Variants in HOOK3 observed in about 807,000 individuals in gnomAD.
HOOK3 encodes the protein hook microtubule tethering protein 3, also known as protein Hook homolog 3.
A neutral mutation model predicts 116.3 loss-of-function variants in HOOK3; 24 were observed. The observed-to-expected ratio is 0.21, with a 90% CI of 0.15 to 0.29. The LOEUF (loss-of-function observed/expected upper bound fraction) is 0.29. Ranked by LOEUF, HOOK3 falls within the 10% of genes least tolerant of loss-of-function variation. HOOK3 has a pLI of 1.00. For missense variants in HOOK3, 632 were observed against 830.2 expected, an observed-to-expected ratio of 0.76 and a Z score of 2.93; for synonymous variants, 275 against 283.0, an observed-to-expected ratio of 0.97 and a Z score of 0.28.
intron 8 of HOOK3, among the ~76,000 whole-genome samples, 172 bp from the exon 9 acceptor site, chr8:42,964,139 G>A (rs112346481): frequency 2.0e-4 from 31 of 152,242 alleles, no homozygotes; most frequent in African/African-American, 5.3e-4. Context: ...CCCAGGAGGC[G>A]GAGCTTTCAG....
intron 14 of HOOK3, among the ~76,000 whole-genome samples, chr8:42,984,770 A>G (rs181006061): frequency 1.3e-3 from 200 of 152,118 alleles, no homozygotes; most frequent in African/African-American, 4.7e-3. Context: ...TGGGTGTGCT[A>G]GCACACGCCT....
intron 4 of HOOK3, among the ~76,000 whole-genome samples, chr8:42,935,086 A>G (rs1178889988): frequency 6.6e-6 from 1 of 152,292 alleles, no homozygotes; most frequent in South Asian, 2.1e-4. Flanking sequence ...TCGCCATTCT[A>G]ACTGGTGTGA....
chr8:42,996,597 C>T (rs1480136549), intron 15 of HOOK3, among the ~76,000 whole-genome samples: 1 of 152,010 alleles, frequency 6.6e-6, no homozygotes, highest in Non-Finnish European at 1.5e-5. Context: ...CCTCTCATAA[C>T]ATACTCATCA....
chr8:42,945,346 G>T lies in HOOK3; in HGVS notation c.400+1901G>T, dbSNP rs181261999. 4.2e-3 allele frequency among the ~76,000 whole-genome samples: 636 copies of T among 152,040 alleles called. 4 individuals carry two copies. The highest frequency in any genetic ancestry group is 6.9e-3 in the Non-Finnish European group (470 of 67,972). Reference sequence around the variant, plus strand: ...TTTTTTCGAGATGGAGTCTTGCTCTGTTGCCCAGGCTGGAGTGCAGTGGCA... The same window carrying T: ...TTTTTTCGAGATGGAGTCTTGCTCTTTTGCCCAGGCTGGAGTGCAGTGGCA... On this transcript the variant is annotated intron_variant, in intron 5 of 21. Transcript: ENST00000307602.
rs1810003956 is a variant in HOOK3 at position 43,030,175 on chromosome 8, G to A, written c.*11677G>A. On this transcript the variant is annotated 3_prime_UTR_variant, in exon 22 of 22. Transcript: ENST00000307602. ...ATTTACTATGTGTTGAGATTGGTGGGTTTTCTGGCTGTTTTTCTGAGGTGA... is the reference window on the plus strand; with the variant it reads ...ATTTACTATGTGTTGAGATTGGTGGATTTTCTGGCTGTTTTTCTGAGGTGA... 9.9e-6 allele frequency: 2 copies of A among 202,084 alleles called. No homozygotes were observed. The highest frequency in any genetic ancestry group is 3.8e-4 in the South Asian group (2 of 5,214). The allele number at this position is 202,084 out of a possible 1,614,324, so 12.5% of individuals were successfully genotyped here. A position where few individuals can be genotyped will look rare whatever the true frequency, so the allele number is the denominator to read the frequency against.
At chr8:42,948,385 A>T (rs906144790) in intron 5 of HOOK3, among the ~76,000 whole-genome samples, 1 of 152,174 alleles carries the variant, frequency 6.6e-6, no homozygotes, top group South Asian at 2.1e-4. Context: ...AGATTCATAA[A>T]TTTTTTTATT....
chr8:42,967,984 G>T, intron 10 of HOOK3, 29 bp from the exon 11 acceptor site: 1 of 1,309,096 alleles, frequency 7.6e-7, no homozygotes, highest in Non-Finnish European at 1.1e-6. Context: ...ATGTGTTTCT[G>T]ATTTTTTTAA....
chr8:42,925,579 A>G lies in HOOK3; in HGVS notation c.166A>G (p.Asn56Asp). 1 of 1,605,402 alleles carries G rather than the reference A, an allele frequency of 6.2e-7. No individual in the cohort carries two copies. Among genetic ancestry groups the G allele is most frequent in the Non-Finnish European group, 8.5e-7 (1 of 1,175,242 alleles). ...QKIDPAYFDE[N>D]WLNRIKTEVG... ...CAGAGATCCTGCATATTTTGATGAAAATTGGCTAAACAGAATCAAAACTGA... is the reference window on the plus strand; with the variant it reads ...CAGAGATCCTGCATATTTTGATGAAGATTGGCTAAACAGAATCAAAACTGA... Residue 56 changes from asparagine (N) to aspartate (D), a missense_variant, in exon 3 of 22, where the codon AAT (asparagine) becomes GAT (aspartate). Around this residue, in one of 3 missense-constraint regions of HOOK3, gnomAD observed 141 missense variants for 150.8 expected, o/e 0.93. Transcript: ENST00000307602.
intron 4 of HOOK3, among the ~76,000 whole-genome samples, chr8:42,941,049 T>A (rs1808106723): frequency 6.6e-6 from 1 of 151,956 alleles, no homozygotes; most frequent in Non-Finnish European, 1.5e-5. Flanking sequence ...CAGGTTCAAG[T>A]AATTCTCCTC....
chr8:42,922,752 T>G (rs1807680908), intron 2 of HOOK3, among the ~76,000 whole-genome samples: 1 of 151,562 alleles, frequency 6.6e-6, no homozygotes, highest in African/African-American at 2.4e-5. Flanking sequence ...ATACAAAAAT[T>G]AGCTGGGCAT....
intron 2 of HOOK3, among the ~76,000 whole-genome samples, chr8:42,912,414 T>A (rs569276159): frequency 6.6e-6 from 1 of 152,184 alleles, no homozygotes; most frequent in Non-Finnish European, 1.5e-5. Context: ...TTTTAAAAAT[T>A]GATAGACTTT....
rs1276146012 is a variant in HOOK3 at position 43,019,094 on chromosome 8, T to G, written c.*596T>G. 4.8e-6 allele frequency: 1 copy of G among 207,664 alleles called. No individual in the cohort carries two copies. Among genetic ancestry groups the G allele is most frequent in the Non-Finnish European group, 9.8e-6 (1 of 101,774 alleles). The allele number at this position is 207,664 out of a possible 1,614,324, so 12.9% of individuals were successfully genotyped here. On this transcript the variant is annotated 3_prime_UTR_variant, in exon 22 of 22. Coordinates refer to ENST00000307602, the MANE Select transcript of HOOK3 (RefSeq NM_032410.4). The stretch of plus-strand genomic sequence containing the variant: ...GAATTATTTGAGGAAAAAATGAGTT[T>G]TCACATTGTTTTATAGGAAATTAAA...
chr8:43,001,478 T>TAGTGGTCTTATAGAGAATGTCTTTATTG (rs1809379897), intron 16 of HOOK3, among the ~76,000 whole-genome samples: 1 of 152,136 alleles, frequency 6.6e-6, no homozygotes, highest in Non-Finnish European at 1.5e-5. Flanking sequence ...TTATGAAATT[T>TAGTGGTCTTATAGAGAATGTCTTTATTG]AGTGGTCTTA....
rs1809947901 is a variant in HOOK3, at chr8:43,027,195, A to C, written c.*8697A>C. 1 of 236,674 alleles carries C rather than the reference A, an allele frequency of 4.2e-6. No individual in the cohort carries two copies. The highest frequency in any genetic ancestry group is 2.3e-5 in the African/African-American group (1 of 43,354). The allele number at this position is 236,674 out of a possible 1,614,324, so 14.7% of individuals were successfully genotyped here. A position where few individuals can be genotyped will look rare whatever the true frequency, so the allele number is the denominator to read the frequency against. On this transcript the variant is annotated 3_prime_UTR_variant, in exon 22 of 22. Coordinates refer to ENST00000307602, the MANE Select transcript of HOOK3 (RefSeq NM_032410.4). Reference sequence around the variant, plus strand: ...TAGGCGTGAGCCACCATGCCCAGTGAACTTGGCCATTTTCTTACATTCATA... The same window carrying C: ...TAGGCGTGAGCCACCATGCCCAGTGCACTTGGCCATTTTCTTACATTCATA...
intron 2 of HOOK3, among the ~76,000 whole-genome samples, chr8:42,923,572 A>G (rs1807705055): frequency 1.3e-5 from 2 of 152,360 alleles, no homozygotes; most frequent in South Asian, 4.1e-4. Flanking sequence ...AAAAGACCAC[A>G]TAGTATATGA....
Position 43,022,440 on chromosome 8 carries a change from A to G in HOOK3, c.*3942A>G, listed in dbSNP as rs540365977. On this transcript the variant is annotated 3_prime_UTR_variant, in exon 22 of 22. Transcript: ENST00000307602. ...GGGTTGCTGTGTTGGGTTGGAGCAC[A>G]CTGTCACCACAGTGTCTGAAGTCTT... 1.3e-4 allele frequency: 26 copies of G among 201,418 alleles called. No homozygotes were observed. In the South Asian group the frequency reaches 5.0e-3, roughly 38 times the overall value. 12.5% of individuals were successfully genotyped at this position (201,418 alleles called of 1,614,324 possible). A position where few individuals can be genotyped will look rare whatever the true frequency, so the allele number is the denominator to read the frequency against.
intron 6 of HOOK3, among the ~76,000 whole-genome samples, chr8:42,953,308 G>T (rs980027290): frequency 2.0e-5 from 3 of 150,280 alleles, no homozygotes; most frequent in Non-Finnish European, 4.4e-5. Flanking sequence ...GCTCATGCCT[G>T]TAATCCCAGC....
intron 17 of HOOK3, among the ~76,000 whole-genome samples, chr8:43,005,195 CTCTCTA>C (rs1390866399): frequency 3.1e-5 from 2 of 63,866 alleles, no homozygotes; most frequent in Admixed American, 2.1e-4. Context: ...CTCTCTCTCT[CTCTCTA>C]TATATATATA....
At chr8:42,906,147 C>T (rs781718667) in intron 1 of HOOK3, 26 bp from the exon 2 acceptor site, 20 of 901,852 alleles carry the variant, frequency 2.2e-5, no homozygotes, top group South Asian at 3.9e-5. Context: ...AGAATCTCTC[C>T]CCCCCCCCTC....
Sources: allele counts gnomAD v4.1 joint callset (sites outside exome capture counted in the v4.1 genomes callset), GRCh38; gene constraint gnomAD v4.1.1; regional missense constraint gnomAD v4.1.1; transcripts MANE v1.5; gene names NCBI Gene and HGNC (gene_info 2026-07-23, HGNC 2026-07-21).